SLIT1: variants seen among roughly 807,000 people sequenced by gnomAD.
SLIT1 encodes slit guidance ligand 1.
SLIT1 carries 66 observed loss-of-function variants against 186.1 expected under a neutral mutation model. The observed-to-expected ratio is 0.35, with a 90% CI of 0.29 to 0.44. The LOEUF is 0.44. Among genes scored for constraint, SLIT1 ranks in the 20% least tolerant of loss-of-function variants. The probability of loss-of-function intolerance (pLI) is 1.00; values close to 1 mark genes in which losing one functional copy is unlikely to be tolerated. For synonymous variants in SLIT1, 761 were observed against 833.8 expected (o/e 0.91, Z 1.50); for missense variants, 1,638 against 2,037.4 (o/e 0.80, Z 3.77).
intron 4 of SLIT1, among the ~76,000 whole-genome samples, chr10:97,119,913 G>GTATATATATGTATATA: frequency 1.8e-5 from 1 of 56,520 alleles, no homozygotes; most frequent in East Asian, 5.3e-4. Context: ...TTCCAAAGGG[G>GTATATATATGTATATA]TATATATATA....
chr10:97,167,569 C>T (rs1027358971), intron 1 of SLIT1, among the ~76,000 whole-genome samples: 7 of 152,212 alleles, frequency 4.6e-5, no homozygotes, highest in African/African-American at 1.7e-4. Flanking sequence ...TAAAATGGTA[C>T]AGATCTGTTT....
At chr10:97,027,590 C>T (rs966045661) in intron 25 of SLIT1, among the ~76,000 whole-genome samples, 3 of 152,212 alleles carry the variant, frequency 2.0e-5, no homozygotes, top group African/African-American at 7.2e-5. Context: ...CCACTTTCTA[C>T]AAGTACTGCT....
chr10:97,074,304 G>A (rs907463474), intron 4 of SLIT1, among the ~76,000 whole-genome samples: 5 of 152,244 alleles, frequency 3.3e-5, no homozygotes, highest in East Asian at 1.9e-4. Context: ...ATCCCTCTCC[G>A]TTTTCCCGGC....
chr10:97,077,199 C>G (rs1470100958), intron 4 of SLIT1, among the ~76,000 whole-genome samples: 1 of 151,992 alleles, frequency 6.6e-6, no homozygotes, highest in Non-Finnish European at 1.5e-5. Context: ...CCTAAGAGTT[C>G]AAGGTTACAG....
At position 97,060,783 on chromosome 10, in the gene SLIT1, C is replaced by A; in HGVS notation, c.798G>T (p.Gln266His). 6.3e-7 allele frequency: 1 copy of A among 1,597,182 alleles called. No individual in the cohort carries two copies. The highest frequency in any genetic ancestry group is 1.7e-5 in the Admixed American group (1 of 58,422). Residue 266 changes from glutamine (Q) to histidine (H), a missense_variant, in exon 9 of 37, where the codon CAG becomes CAT. Physicochemically the swap from Gln to His is conservative, Grantham distance 24. This residue lies in a region of SLIT1 where 1,245 missense variants were observed against 1,535.3 expected (regional missense o/e 0.81). Coordinates refer to ENST00000266058, the MANE Select transcript of SLIT1 (RefSeq NM_003061.3). ...VQKSEFSCSG[Q>H]GEAGRVPTCT... Reference sequence around the variant, plus strand: ...AGGTGGGCACGCGCCCCGCTTCTCCCTGGCCTGCAGAAACAGGGGGGTGTG... The same window carrying A: ...AGGTGGGCACGCGCCCCGCTTCTCCATGGCCTGCAGAAACAGGGGGGTGTG...
chr10:97,161,505 G>C (rs1024636939), intron 3 of SLIT1, among the ~76,000 whole-genome samples: 6 of 152,176 alleles, frequency 3.9e-5, no homozygotes, highest in Admixed American at 1.3e-4. Flanking sequence ...AGCCAGGCAT[G>C]GTGGCTCAGG....
At chr10:97,098,048 G>A (rs988953945) in intron 4 of SLIT1, among the ~76,000 whole-genome samples, 7 of 152,144 alleles carry the variant, frequency 4.6e-5, no homozygotes, top group African/African-American at 1.7e-4. Context: ...TTCTGATTGC[G>A]CTGCCAGCTA....
rs748419775 is a variant in SLIT1, at chr10:97,034,487, T to G, written c.2422A>C (p.Ser808Arg). The G allele has an allele frequency of 1.6e-5, 26 of 1,613,500 alleles. No homozygotes were observed. The highest frequency in any genetic ancestry group is 2.2e-5 in the Non-Finnish European group (26 of 1,179,692). The part of the protein sequence containing the change: ...SLSNSSFTNM[S>R]QLTTLILSYN... The stretch of plus-strand genomic sequence containing the variant: ...GGGACTCACAGAGTGGTCAGCTGGC[T>G]CATGTTGGTGAAGGAGGAATTGCTT... The change falls in exon 23 of 37, where the codon AGC becomes CGC. Residue 808 changes from serine to arginine, a missense_variant. By Grantham distance (110) the Ser-to-Arg change is moderately radical. Coordinates refer to ENST00000266058, the MANE Select transcript of SLIT1 (RefSeq NM_003061.3).
intron 4 of SLIT1, among the ~76,000 whole-genome samples, chr10:97,148,136 A>T (rs1371635163): frequency 2.0e-5 from 3 of 152,170 alleles, no homozygotes; most frequent in African/African-American, 7.2e-5. Context: ...CCTGCCCTCA[A>T]TTCTCCTGCC....
chr10:97,185,572 G>C lies in SLIT1; in HGVS notation c.103C>G (p.Pro35Ala). ...AAWRLGASAC[P>A]ALCTCTGTTV... ...GTTCCGGTGCAGGTGCAGAGGGCGG[G>C]GCACGCCGAGGCACCCAGGCGCCAC... Residue 35 changes from proline (P) to alanine (A), a missense_variant, in exon 1 of 37, where the codon CCC becomes GCC. Around this residue, in one of 3 missense-constraint regions of SLIT1, gnomAD observed 1,245 missense variants for 1,535.3 expected, o/e 0.81. Transcript: ENST00000266058. 1.2e-6 allele frequency: 2 copies of C among 1,606,502 alleles called. No individual in the cohort carries two copies. The highest frequency in any genetic ancestry group is 1.7e-6 in the Non-Finnish European group (2 of 1,177,506).
At chr10:97,033,481 C>T (rs1848609939) in intron 23 of SLIT1, among the ~76,000 whole-genome samples, 1 of 152,166 alleles carries the variant, frequency 6.6e-6, no homozygotes, top group Admixed American at 6.5e-5. Flanking sequence ...TCACCGCTCA[C>T]AACAATCCAA....
Position 97,169,011 on chromosome 10 carries a change from T to C in SLIT1, c.198-4121A>G, listed in dbSNP as rs543836135. Among the ~76,000 whole-genome samples, 28 of 152,266 alleles carry C rather than the reference T, an allele frequency of 1.8e-4. No homozygotes were observed. The East Asian group carries it at 5.4e-3, about 29-fold the overall frequency. ...TAGCACACCTCTCTTCTCACCCTTT[T>C]GTACCAGCCCCCACAGTGCAGGTGC... On this transcript the variant is annotated intron_variant, in intron 1 of 36. Coordinates refer to ENST00000266058, the MANE Select transcript of SLIT1 (RefSeq NM_003061.3).
At chr10:97,110,188 C>T (rs769601769) in intron 4 of SLIT1, among the ~76,000 whole-genome samples, 4 of 152,194 alleles carry the variant, frequency 2.6e-5, no homozygotes, top group African/African-American at 7.2e-5. Context: ...TATAGAGGTG[C>T]CAGCCCTTCA....
chr10:97,092,411 T>C (rs1180350115), intron 4 of SLIT1, among the ~76,000 whole-genome samples: 1 of 152,226 alleles, frequency 6.6e-6, no homozygotes, highest in Admixed American at 6.5e-5. Flanking sequence ...TTTGTGAATA[T>C]GAGAACAATG....
chr10:97,087,205 G>C (rs181046590), intron 4 of SLIT1, among the ~76,000 whole-genome samples: 166 of 151,124 alleles, frequency 1.1e-3, no homozygotes, highest in African/African-American at 3.9e-3. Flanking sequence ...ACACACAGCT[G>C]TCATTCCTCC....
intron 22 of SLIT1, 110 bp from the exon 23 acceptor site, chr10:97,034,652 T>C (rs2134613351): frequency 7.0e-6 from 7 of 1,000,162 alleles, no homozygotes; most frequent in East Asian, 2.5e-5. Context: ...CCCAGCCAGG[T>C]TGGCCAGGGG....
intron 6 of SLIT1, among the ~76,000 whole-genome samples, 191 bp from the exon 7 acceptor site, chr10:97,064,430 C>A (rs1219872409): frequency 6.6e-6 from 1 of 152,106 alleles, no homozygotes; most frequent in African/African-American, 2.4e-5. Context: ...GGGACGGTGA[C>A]CGTAAGCCGA....
intron 4 of SLIT1, among the ~76,000 whole-genome samples, chr10:97,071,689 T>C (rs1424106838): frequency 6.6e-6 from 1 of 152,090 alleles, no homozygotes; most frequent in Non-Finnish European, 1.5e-5. Context: ...GCTTTCTCAC[T>C]GAAAGCCAGC....
At chr10:97,088,238 C>A (rs1849188857) in intron 4 of SLIT1, among the ~76,000 whole-genome samples, 1 of 148,346 alleles carries the variant, frequency 6.7e-6, no homozygotes, top group Admixed American at 6.6e-5. Context: ...GATCTCTAAC[C>A]CTATCTTCTC....
Sources: gnomAD v4.1 joint callset for allele counts (sites outside exome capture counted in the v4.1 genomes callset) on GRCh38, gnomAD v4.1.1 for gene constraint, gnomAD v4.1.1 regional missense constraint, MANE v1.5 for transcripts, NCBI Gene and HGNC (gene_info 2026-07-23, HGNC 2026-07-21) for gene names.